MYO1G: variants seen among roughly 807,000 people sequenced by gnomAD.
MYO1G encodes myosin IG, also known as unconventional myosin-Ig.
Under a neutral mutation model 115.3 loss-of-function variants are expected in MYO1G, and 65 were observed. The ratio of observed to expected loss-of-function variants is 0.56; its 90% CI spans 0.46 to 0.69. The LOEUF (loss-of-function observed/expected upper bound fraction) is 0.69, where lower values mean the gene tolerates loss of function less well. Ranked by LOEUF, MYO1G falls within the 30% of genes least tolerant of loss-of-function variation. The probability of loss-of-function intolerance (pLI) is 0.00; values close to 1 mark genes in which losing one functional copy is unlikely to be tolerated. For synonymous variants in MYO1G, 510 were observed against 552.6 expected (o/e 0.92, Z 1.08); for missense variants, 1,204 against 1,393.5 (o/e 0.86, Z 2.16).
Position 44,963,215 on chromosome 7 carries a change from C to G in MYO1G, c.2746-91G>C. ...CCCTCCCCAGGAAGCCTCTGCCGAA[C>G]CCCCAACCGCACCCGGGGAGCGCCG... On this transcript the variant is annotated intron_variant, in intron 20 of 21. Transcript: ENST00000258787. This position sits in a 1 kb window ranked among gnomAD's most constrained non-coding sequence, Gnocchi z 4.1. The G allele has an allele frequency of 7.4e-7, 1 of 1,360,264 alleles. No homozygotes were observed. Among genetic ancestry groups the G allele is most frequent in the Non-Finnish European group, 9.5e-7 (1 of 1,056,272 alleles). The allele number at this position is 1,360,264 out of a possible 1,614,324, so 84.3% of individuals were successfully genotyped here.
In MYO1G at chr7:44,969,666, A is replaced by G; in HGVS notation, c.1503+39T>C. 1 of 1,607,068 alleles carries G rather than the reference A, an allele frequency of 6.2e-7. No individual in the cohort carries two copies. The highest frequency in any genetic ancestry group is 8.5e-7 in the Non-Finnish European group (1 of 1,178,072). On this transcript the variant is annotated intron_variant, in intron 11 of 21. Transcript: ENST00000258787. This position sits in a 1 kb window ranked among gnomAD's most constrained non-coding sequence, Gnocchi z 5.0. Reference sequence around the variant, plus strand: ...GCATGGTGCCTGTGGGGCAGGTCCCACCAGCCCACTGTGGTGGCACTGGGA... The same window carrying G: ...GCATGGTGCCTGTGGGGCAGGTCCCGCCAGCCCACTGTGGTGGCACTGGGA...
rs150202121 is a variant in MYO1G, at chr7:44,966,214, G to A, written c.2016C>T (p.Ser672=). 2.2e-5 allele frequency: 35 copies of A among 1,611,960 alleles called. No homozygotes were observed. Among genetic ancestry groups the A allele is most frequent in the Middle Eastern group, 1.6e-4 (1 of 6,062 alleles). Residue 672 remains serine (S), a synonymous_variant, in exon 16 of 22, where the codon AGC becomes AGT. Coordinates refer to ENST00000258787, the MANE Select transcript of MYO1G (RefSeq NM_033054.3). The surrounding 1 kb of genome is among the most constrained non-coding windows in gnomAD (Gnocchi z 5.0). ...GCAGCCCGTGCTGCTCCAGGAGAGC[G>A]CTCACGGCTGCCTTGTCGGAGCCCA... The part of the protein sequence containing the change: ...HLLGSDKAAV[S]ALLEQHGLQG...
rs900047377 is a variant in MYO1G at position 44,971,678 on chromosome 7, G to A, written c.841C>T (p.His281Tyr). ...SVHRILAAIL[H>Y]LGNIEFVETE... ...GGCTTCTGAGCCAGGCTCACCAGGT[G>A]CAATATGGCAGCCAGGATGCGATGC... The change falls in exon 7 of 22, where the codon CAC becomes TAC. Residue 281 changes from histidine to tyrosine, a missense_variant. Transcript: ENST00000258787. The A allele has an allele frequency of 6.4e-6, 10 of 1,557,946 alleles. No individual in the cohort carries two copies. Among genetic ancestry groups the A allele is most frequent in the Non-Finnish European group, 7.8e-6 (9 of 1,150,172 alleles).
Position 44,975,567 on chromosome 7 carries a change from G to A in MYO1G, c.481C>T (p.Arg161Cys), listed in dbSNP as rs983810090. The change falls in exon 4 of 22, where the codon CGC becomes TGC. Residue 161 changes from arginine to cysteine, a missense_variant. By Grantham distance (180) the Arg-to-Cys change is radical (BLOSUM62 -3). Coordinates refer to ENST00000258787, the MANE Select transcript of MYO1G (RefSeq NM_033054.3). ...ARTNRNHNSS[R>C]FGKYMDINFD... is the part of the protein sequence containing the mutation. Reference sequence around the variant, plus strand: ...TTGATGTCCATGTACTTGCCAAAGCGGCTGGAGTTGTGATTGCGGTTGGTG... The same window carrying A: ...TTGATGTCCATGTACTTGCCAAAGCAGCTGGAGTTGTGATTGCGGTTGGTG... 7 of 1,613,888 alleles carry A rather than the reference G, an allele frequency of 4.3e-6. No homozygotes were observed. The highest frequency in any genetic ancestry group is 2.7e-5 in the African/African-American group (2 of 74,946).
Position 44,965,842 on chromosome 7 carries a change from C to G in MYO1G, c.2176G>C (p.Ala726Pro), listed in dbSNP as rs1794831131. 1.9e-5 allele frequency: 31 copies of G among 1,598,496 alleles called. No individual in the cohort carries two copies. Among genetic ancestry groups the G allele is most frequent in the Non-Finnish European group, 2.4e-5 (28 of 1,179,800 alleles). ...CTCAGCCTCCGGCAGCGCCACCTCG[C>G]CAAGGTGCCCCGCCATGCCTGGGTG... ...LLQKAWRGTL[A>P]RWRCRRLRAI... Residue 726 changes from alanine to proline, a missense_variant, in exon 17 of 22, where the codon GCG (alanine) becomes CCG (proline). Ala to Pro is a conservative substitution (Grantham distance 27). Transcript: ENST00000258787.
Position 44,967,720 on chromosome 7 carries a change from C to G in MYO1G, c.1667G>C (p.Arg556Pro), listed in dbSNP as rs552543010. The G allele has an allele frequency of 6.2e-7, 1 of 1,613,576 alleles. No homozygotes were observed. The highest frequency in any genetic ancestry group is 1.7e-5 in the Admixed American group (1 of 60,026). The change falls in exon 14 of 22, where the codon CGG becomes CCG. Residue 556 changes from arginine (R) to proline (P), a missense_variant. Coordinates refer to ENST00000258787, the MANE Select transcript of MYO1G (RefSeq NM_033054.3). ...LLYNSTDPTLRAMWPDGQQDI... is the reference protein window; with the variant it reads ...LLYNSTDPTLPAMWPDGQQDI... ...CTGCTGCCCGTCCGGCCACATGGCC[C>G]GTAGAGTGGGGTCCGTGCTGCAGAC... is the stretch of plus-strand genomic sequence containing the variant.
chr7:44,978,734 G>A (rs1247665614), intron 1 of MYO1G, 133 bp downstream of exon 1: 1 of 764,920 alleles, frequency 1.3e-6, no homozygotes, highest in Non-Finnish European at 2.2e-6. Flanking sequence ...GCCCCATCTG[G>A]TCTGGGTGGG....
rs776188501 is a variant in MYO1G, at chr7:44,967,973, G to A, written c.1575-15C>T. 5 of 1,612,724 alleles carry A rather than the reference G, an allele frequency of 3.1e-6. No individual in the cohort carries two copies. In the Admixed American group the frequency reaches 8.3e-5, roughly 27 times the overall value. ...CCACGGAGTACCTACCAGAAGCCAG[G>A]GCTGGTGAGGGAGCAGGGGCGGGGG... is the stretch of plus-strand genomic sequence containing the variant. On this transcript the variant is annotated splice_polypyrimidine_tract_variant and intron_variant, in intron 12 of 21. Coordinates refer to ENST00000258787, the MANE Select transcript of MYO1G (RefSeq NM_033054.3).
rs748229958 is a variant in MYO1G, at chr7:44,963,021, A to T, written c.2849T>A (p.Leu950Ter). The T allele has an allele frequency of 1.3e-6, 2 of 1,532,178 alleles. No individual in the cohort carries two copies. The highest frequency in any genetic ancestry group is 1.2e-5 in the South Asian group (1 of 83,792). 94.9% of individuals were successfully genotyped at this position (1,532,178 alleles called of 1,614,324 possible). A position where few individuals can be genotyped will look rare whatever the true frequency, so the allele number is the denominator to read the frequency against. ...CACCAGCTCCCCAACGCGGTTGTCC[A>T]ATGGCGGCCGGGAGCGGTGCAGGCA... ...VVCLHRSRPP[L>*]DNRVGELVGV... The change falls in exon 21 of 22, where the codon TTG (leucine) becomes TAG (stop). Residue 950 changes from leucine to a stop codon, truncating the protein, a stop_gained. Transcript: ENST00000258787. LOFTEE classifies it high-confidence loss of function. This position sits in a 1 kb window ranked among gnomAD's most constrained non-coding sequence, Gnocchi z 4.1.
rs141395808 is a variant in MYO1G, at chr7:44,969,801, G to A, written c.1407C>T (p.Asp469=). 4.5e-5 allele frequency: 72 copies of A among 1,613,104 alleles called. No individual in the cohort carries two copies. Among genetic ancestry groups the A allele is most frequent in the Admixed American group, 2.5e-4 (15 of 59,992 alleles). ...RPHRGILAVL[D]EACSSAGTIT... ...TGGTGCCAGCAGAGCTGCAGGCCTCGTCCAGCACGGCCAGGATGCCACGGT... is the reference window on the plus strand; with the variant it reads ...TGGTGCCAGCAGAGCTGCAGGCCTCATCCAGCACGGCCAGGATGCCACGGT... The change falls in exon 11 of 22, where the codon GAC becomes GAT. Residue 469 remains aspartate (D), a synonymous_variant. Transcript: ENST00000258787. This position sits in a 1 kb window ranked among gnomAD's most constrained non-coding sequence, Gnocchi z 5.0.
rs1169244221 is a variant in MYO1G at position 44,969,123 on chromosome 7, C to T, written c.1574+290G>A. On this transcript the variant is annotated intron_variant, in intron 12 of 21. Transcript: ENST00000258787. This position sits in a 1 kb window ranked among gnomAD's most constrained non-coding sequence, Gnocchi z 5.0. ...CCCCCACATCACCAGCCTGAAGCCC[C>T]CCACCCCACAGATGCTGGTATAGGG... The T allele has an allele frequency of 1.2e-5, 4 of 337,638 alleles. No individual in the cohort carries two copies. The highest frequency in any genetic ancestry group is 2.3e-5 in the Non-Finnish European group (4 of 176,838). The allele number at this position is 337,638 out of a possible 1,614,324, so 20.9% of individuals were successfully genotyped here.
In MYO1G at chr7:44,967,752, C is replaced by T. The variant is rs371744068; in HGVS notation, c.1650-15G>A. 45 of 1,612,938 alleles carry T rather than the reference C, an allele frequency of 2.8e-5. No homozygotes were observed. The East Asian group carries it at 8.2e-4, about 30-fold the overall frequency. Reference sequence around the variant, plus strand: ...TGGGGTCCGTGCTGCAGACACAGGCCGAATTCCCAGCCATCCTCTGGGAGA... The same window carrying T: ...TGGGGTCCGTGCTGCAGACACAGGCTGAATTCCCAGCCATCCTCTGGGAGA... On this transcript the variant is annotated splice_polypyrimidine_tract_variant and intron_variant, in intron 13 of 21. Transcript: ENST00000258787.
At chr7:44,967,983 G>C (rs117610712) in intron 12 of MYO1G, 25 bp from the exon 13 acceptor site, 18,964 of 1,610,100 alleles carry the variant, frequency 0.012, 144 homozygotes, top group Non-Finnish European at 0.014. Flanking sequence ...GGCTGGTGAG[G>C]GAGCAGGGGC....
In MYO1G at chr7:44,975,585, G is replaced by A. The variant is rs761496818; in HGVS notation, c.463C>T (p.Arg155Cys). Residue 155 changes from arginine to cysteine, a missense_variant, in exon 4 of 22, where the codon CGC becomes TGC. Transcript: ENST00000258787. ...LEAFGNARTNRNHNSSRFGKY... is the reference protein window; with the variant it reads ...LEAFGNARTNCNHNSSRFGKY... Reference sequence around the variant, plus strand: ...CCAAAGCGGCTGGAGTTGTGATTGCGGTTGGTGCGGGCATTGCCAAAGGCC... The same window carrying A: ...CCAAAGCGGCTGGAGTTGTGATTGCAGTTGGTGCGGGCATTGCCAAAGGCC... 72 of 1,613,860 alleles carry A rather than the reference G, an allele frequency of 4.5e-5. No individual in the cohort carries two copies. The highest frequency in any genetic ancestry group is 5.8e-5 in the Non-Finnish European group (68 of 1,179,944).
In MYO1G at chr7:44,969,517, G is replaced by T. The variant is rs777518169; in HGVS notation, c.1504-34C>A. 4 of 1,610,592 alleles carry T rather than the reference G, an allele frequency of 2.5e-6. No homozygotes were observed. The South Asian group carries it at 4.4e-5, about 18-fold the overall frequency. On this transcript the variant is annotated intron_variant, in intron 11 of 21. Coordinates refer to ENST00000258787, the MANE Select transcript of MYO1G (RefSeq NM_033054.3). This position sits in a 1 kb window ranked among gnomAD's most constrained non-coding sequence, Gnocchi z 5.0. ...ACAGGCTGAGGTCAAGGCACAAAAG[G>T]TATGTGGAGGGTCTGTATGAAGGGA... is the stretch of plus-strand genomic sequence containing the variant.
At chr7:44,976,001 C>T (rs1470502013) in intron 3 of MYO1G, among the ~76,000 whole-genome samples, 14 of 152,226 alleles carry the variant, frequency 9.2e-5, no homozygotes, top group Admixed American at 3.9e-4. Context: ...CCTCCAGCTG[C>T]AGGGGTGGGC....
At position 44,965,954 on chromosome 7, in the gene MYO1G, C is replaced by G; in HGVS notation, c.2158-94G>C. ...TGGCCCTGAGCATTTATTGAGCACTCCCTGGCCTGTCTCCATCAAGCAGAG... is the reference window on the plus strand; with the variant it reads ...TGGCCCTGAGCATTTATTGAGCACTGCCTGGCCTGTCTCCATCAAGCAGAG... On this transcript the variant is annotated intron_variant, in intron 16 of 21. Transcript: ENST00000258787. The G allele has an allele frequency of 2.6e-6, 4 of 1,538,212 alleles. No homozygotes were observed. In the South Asian group the frequency reaches 4.5e-5, roughly 17 times the overall value.
At chr7:44,975,072 G>C in intron 5 of MYO1G, 102 bp downstream of exon 5, 2 of 1,230,998 alleles carry the variant, frequency 1.6e-6, no homozygotes, top group Non-Finnish European at 2.4e-6. Flanking sequence ...TGGGCAGAGA[G>C]GGGGAATTGG....
rs199915467 is a variant in MYO1G, at chr7:44,970,062, C to T, written c.1310G>A (p.Arg437His). ...ILKQEQEEYE[R>H]EGITWQSVEY... is the part of the protein sequence containing the mutation. ...CACGCTCTGCCAGGTGATGCCCTCG[C>T]GCTCGTACTCTTCCTGTTCCTGCTT... The change falls in exon 10 of 22, where the codon CGC (arginine) becomes CAC (histidine). Residue 437 changes from arginine (R) to histidine (H), a missense_variant. Transcript: ENST00000258787. 18 of 1,613,898 alleles carry T rather than the reference C, an allele frequency of 1.1e-5. No homozygotes were observed. Among genetic ancestry groups the T allele is most frequent in the East Asian group, 6.7e-5 (3 of 44,890 alleles).
Sources: allele counts gnomAD v4.1 joint callset (sites outside exome capture counted in the v4.1 genomes callset), GRCh38; gene constraint gnomAD v4.1.1; non-coding constraint Gnocchi (gnomAD v3.1); transcripts MANE v1.5; gene names NCBI Gene and HGNC (gene_info 2026-07-23, HGNC 2026-07-21).